LRP1B: variants seen among roughly 807,000 people sequenced by gnomAD.
LRP1B encodes the protein LDL receptor related protein 1B.
LRP1B carries 217 observed loss-of-function variants against 556.6 expected under a neutral mutation model. The observed-to-expected ratio is 0.39, with a 90% CI of 0.35 to 0.44. LRP1B has a LOEUF of 0.44. LRP1B is among the 20% of genes least tolerant of loss of function. The probability of loss-of-function intolerance (pLI) is 1.00; values close to 1 mark genes in which losing one functional copy is unlikely to be tolerated. For missense variants in LRP1B, 5,053 were observed against 5,620.8 expected (o/e 0.90, Z 3.23); for synonymous variants, 2,047 against 1,865.8 (o/e 1.10, Z -2.50).
At chr2:141,258,348 T>C (rs566340319) in intron 3 of LRP1B, among the ~76,000 whole-genome samples, 6 of 152,034 alleles carry the variant, frequency 3.9e-5, no homozygotes, top group Non-Finnish European at 7.4e-5. Flanking sequence ...TAGCTGGGCG[T>C]GGTGGTGTGT....
At chr2:141,246,050 T>C (rs1206460714) in intron 5 of LRP1B, among the ~76,000 whole-genome samples, 2 of 152,188 alleles carry the variant, frequency 1.3e-5, no homozygotes, top group African/African-American at 2.4e-5. Context: ...AATCCTGTGA[T>C]AAATATATAT....
At chr2:140,328,731 T>C (rs762039234) in intron 79 of LRP1B, among the ~76,000 whole-genome samples, 3 of 152,078 alleles carry the variant, frequency 2.0e-5, no homozygotes, top group Non-Finnish European at 2.9e-5. Flanking sequence ...TCAAATTTAT[T>C]TTAAAAAATT....
At chr2:141,867,828 T>C (rs146362650) in intron 1 of LRP1B, among the ~76,000 whole-genome samples, 54 of 152,300 alleles carry the variant, frequency 3.5e-4, no homozygotes, top group East Asian at 3.1e-3. Context: ...ATTGTATGTA[T>C]AAATTCAGTT....
chr2:140,862,449 C>G (rs1222006057), intron 27 of LRP1B, among the ~76,000 whole-genome samples: 2 of 152,184 alleles, frequency 1.3e-5, no homozygotes, highest in South Asian at 4.1e-4. Flanking sequence ...GCCCACAAGT[C>G]CTCAAATATT....
At chr2:141,268,441 C>T (rs1684969584) in intron 3 of LRP1B, among the ~76,000 whole-genome samples, 1 of 152,068 alleles carries the variant, frequency 6.6e-6, no homozygotes, top group African/African-American at 2.4e-5. Flanking sequence ...ATGGTCAGGG[C>T]AGCTATATTC....
rs139524624 is a variant in LRP1B at position 141,005,418 on chromosome 2, G to A, written c.2420C>T (p.Thr807Ile). 4.0e-5 allele frequency: 65 copies of A among 1,611,464 alleles called. No homozygotes were observed. Among genetic ancestry groups the A allele is most frequent in the Non-Finnish European group, 5.3e-5 (62 of 1,178,392 alleles). Residue 807 changes from threonine to isoleucine, a missense_variant, in exon 15 of 91, where the codon ACA becomes ATA. Coordinates refer to ENST00000389484, the MANE Select transcript of LRP1B (RefSeq NM_018557.3). ...MCRVNNGGCS[T>I]LCLAIPGGRV... ...GCCTCCTGGGATAGCCAAGCAAAGT[G>A]TACTACAGCCCCCATTATTTACTCG... is the stretch of plus-strand genomic sequence containing the variant.
At chr2:141,432,844 TC>T (rs34357907) in intron 3 of LRP1B, among the ~76,000 whole-genome samples, 29,726 of 151,846 alleles carry the variant, frequency 0.2, 3,571 homozygotes, top group East Asian at 0.45. Context: ...ATTTCAAACT[TC>T]CGATTTCATG....
chr2:142,120,461 A>G (rs897774818), intron 1 of LRP1B, among the ~76,000 whole-genome samples: 3 of 152,130 alleles, frequency 2.0e-5, no homozygotes, highest in Non-Finnish European at 4.4e-5. Flanking sequence ...AATACAGCCA[A>G]TAATAGCTTT....
intron 43 of LRP1B, among the ~76,000 whole-genome samples, chr2:140,545,292 C>G (rs2200445): frequency 0.48 from 73,304 of 151,718 alleles, 17,997 homozygotes; most frequent in South Asian, 0.59. Flanking sequence ...TAGTTTAATT[C>G]TATTACATTT....
intron 31 of LRP1B, among the ~76,000 whole-genome samples, chr2:140,828,344 T>C (rs1349157542): frequency 6.6e-6 from 1 of 151,792 alleles, no homozygotes; most frequent in Non-Finnish European, 1.5e-5. Context: ...GCGCGGTGGC[T>C]CACGCCTGTA....
At chr2:141,795,545 T>C (rs1462315065) in intron 2 of LRP1B, among the ~76,000 whole-genome samples, 2 of 152,004 alleles carry the variant, frequency 1.3e-5, no homozygotes, top group Non-Finnish European at 2.9e-5. Flanking sequence ...TCCATTGTTA[T>C]TATTTTGATA....
At chr2:140,435,827 T>C (rs964528169) in intron 66 of LRP1B, among the ~76,000 whole-genome samples, 1 of 152,164 alleles carries the variant, frequency 6.6e-6, no homozygotes, top group Non-Finnish European at 1.5e-5. Context: ...TAGTCATTCA[T>C]TTCTCCTATA....
intron 3 of LRP1B, among the ~76,000 whole-genome samples, chr2:141,385,069 G>C (rs1256401682): frequency 6.6e-6 from 1 of 152,022 alleles, no homozygotes; most frequent in African/African-American, 2.4e-5. Flanking sequence ...GGTGGTGTGG[G>C]GCTGGTTTTC....
chr2:141,173,152 G>T (rs1680581869), intron 7 of LRP1B, among the ~76,000 whole-genome samples: 1 of 151,448 alleles, frequency 6.6e-6, no homozygotes, highest in Non-Finnish European at 1.5e-5. Context: ...AGTTGTCACT[G>T]CCATCTTTGT....
chr2:140,340,935 C>A (rs1307863742), intron 77 of LRP1B, among the ~76,000 whole-genome samples: 3 of 151,258 alleles, frequency 2.0e-5, no homozygotes, highest in Non-Finnish European at 4.4e-5. Context: ...ATTTTGCAAC[C>A]AAAAGGAATT....
chr2:140,968,723 T>C (rs181297677), intron 18 of LRP1B, among the ~76,000 whole-genome samples: 16,865 of 152,240 alleles, frequency 0.11, 1,019 homozygotes, highest in East Asian at 0.19. Context: ...GATTCTGGTA[T>C]GTTGTGTCTT....
intron 3 of LRP1B, among the ~76,000 whole-genome samples, chr2:141,408,872 G>A (rs1216526291): frequency 6.6e-6 from 1 of 151,998 alleles, no homozygotes; most frequent in Non-Finnish European, 1.5e-5. Context: ...ATATTTCCAT[G>A]AGATTTATGT....
chr2:141,952,811 G>A (rs1051822023), intron 1 of LRP1B, among the ~76,000 whole-genome samples: 2 of 152,010 alleles, frequency 1.3e-5, no homozygotes, highest in Non-Finnish European at 2.9e-5. Flanking sequence ...CTGGCTTACT[G>A]TTGAAAAAAT....
At chr2:141,080,576 A>T (rs918699100) in intron 7 of LRP1B, among the ~76,000 whole-genome samples, 1 of 152,154 alleles carries the variant, frequency 6.6e-6, no homozygotes, top group Non-Finnish European at 1.5e-5. Flanking sequence ...ACAGCTATTT[A>T]TTTTTTCATT....
Sources: gnomAD v4.1 joint callset for allele counts (sites outside exome capture counted in the v4.1 genomes callset) on GRCh38, gnomAD v4.1.1 for gene constraint, MANE v1.5 for transcripts, NCBI Gene and HGNC (gene_info 2026-07-23, HGNC 2026-07-21) for gene names.